The following VAT1L variants were observed in gnomAD, a reference collection of about 807,000 sequenced individuals.
VAT1L encodes the protein vesicle amine transport 1 like.
Under a neutral mutation model 44.1 loss-of-function variants are expected in VAT1L, and 34 were observed. The ratio of observed to expected loss-of-function variants is 0.77; its 90% confidence interval spans 0.59 to 1.03. The LOEUF (loss-of-function observed/expected upper bound fraction) is 1.03, where lower values mean the gene tolerates loss of function less well. Ranked by LOEUF, VAT1L falls within the 50% of genes least tolerant of loss-of-function variation. The pLI is 0.00. For missense variants in VAT1L, 615 were observed against 538.8 expected, an observed-to-expected ratio of 1.14 and a Z score of -1.40; for synonymous variants, 253 against 202.2, an observed-to-expected ratio of 1.25 and a Z score of -2.13.
At chr16:77,943,493 G>A (rs900980195) in intron 7 of VAT1L, among the ~76,000 whole-genome samples, 12 of 147,748 alleles carry the variant, frequency 8.1e-5, no homozygotes, top group African/African-American at 1.5e-4. Context: ...TCCACCTCCC[G>A]GGTTCACGCC....
In VAT1L at chr16:77,816,968, A is replaced by C. The variant is rs746914447; in HGVS notation, c.281A>C (p.Asn94Thr). The part of the protein sequence containing the change: ...DLMVRQGNID[N>T]PPKTPLVPGF... ...ATGGTGCGACAAGGGAATATTGACA[A>C]CCCTCCCAAGACTCCCCTGGTGCCA... The change falls in exon 2 of 9, where the codon AAC becomes ACC. Residue 94 changes from asparagine (N) to threonine (T), a missense_variant. Transcript: ENST00000302536. 1.2e-5 allele frequency: 20 copies of C among 1,613,672 alleles called. No homozygotes were observed. Among genetic ancestry groups the C allele is most frequent in the South Asian group, 4.4e-5 (4 of 91,050 alleles).
chr16:77,827,361 A>G (rs1298124665), intron 3 of VAT1L, among the ~76,000 whole-genome samples: 2 of 152,224 alleles, frequency 1.3e-5, no homozygotes, highest in East Asian at 1.9e-4. Context: ...ATTTACACCT[A>G]TGATATTTCA....
At chr16:77,869,805 C>G (rs978970992) in intron 4 of VAT1L, among the ~76,000 whole-genome samples, 1 of 152,162 alleles carries the variant, frequency 6.6e-6, no homozygotes, top group African/African-American at 2.4e-5. Flanking sequence ...GAATCAAACT[C>G]CCGATCGAGG....
intron 4 of VAT1L, among the ~76,000 whole-genome samples, chr16:77,871,431 C>T (rs146005596): frequency 6.6e-6 from 1 of 152,086 alleles, no homozygotes; most frequent in African/African-American, 2.4e-5. Flanking sequence ...CAAGAAAGCA[C>T]CCCCCAGCTT....
intron 3 of VAT1L, among the ~76,000 whole-genome samples, chr16:77,850,100 T>C (rs1186152937): frequency 1.3e-5 from 2 of 152,182 alleles, no homozygotes; most frequent in South Asian, 2.1e-4. Context: ...GTGAACACGA[T>C]AGTCCCAAGT....
At position 77,908,513 on chromosome 16, in the gene VAT1L, T is replaced by G. The variant is rs138077006; in HGVS notation, c.1077+23711T>G. Among the ~76,000 whole-genome samples the G allele has an allele frequency of 7.9e-3, 1,155 of 146,544 alleles. 19 individuals carry two copies. The highest frequency in any genetic ancestry group is 0.028 in the African/African-American group (1,106 of 39,624). On this transcript the variant is annotated intron_variant, in intron 7 of 8. Coordinates refer to ENST00000302536, the MANE Select transcript of VAT1L (RefSeq NM_020927.3). ...AAGCCATCACAAGCCTCTTCATGATTACAGATAATAGGCCCTGTTGGAGTT... is the reference window on the plus strand; with the variant it reads ...AAGCCATCACAAGCCTCTTCATGATGACAGATAATAGGCCCTGTTGGAGTT...
chr16:77,848,809 G>T (rs1421579491), intron 3 of VAT1L, among the ~76,000 whole-genome samples: 1 of 152,046 alleles, frequency 6.6e-6, no homozygotes, highest in Non-Finnish European at 1.5e-5. Context: ...ATCAATAATA[G>T]ACTGGATAAA....
At chr16:77,888,883 GGAGA>G (rs567043128) in intron 7 of VAT1L, among the ~76,000 whole-genome samples, 30 of 152,346 alleles carry the variant, frequency 2.0e-4, no homozygotes, top group South Asian at 8.3e-4. Context: ...TCCATAGAAA[GGAGA>G]GAGACAGCTG....
chr16:77,864,430 C>G (rs2016948692), intron 4 of VAT1L, among the ~76,000 whole-genome samples: 1 of 150,596 alleles, frequency 6.6e-6, no homozygotes, highest in Non-Finnish European at 1.5e-5. Flanking sequence ...CGATCTCTAC[C>G]TGTGCCCCCC....
chr16:77,827,364 A>G (rs1363025398), intron 3 of VAT1L, among the ~76,000 whole-genome samples: 6 of 152,340 alleles, frequency 3.9e-5, no homozygotes, highest in East Asian at 1.9e-4. Context: ...TACACCTATG[A>G]TATTTCATTT....
chr16:77,817,275 TC>T (rs2016373167), intron 2 of VAT1L, among the ~76,000 whole-genome samples: 1 of 152,178 alleles, frequency 6.6e-6, no homozygotes. Context: ...GCAGGACAAA[TC>T]TTGTCTCCCC....
At chr16:77,959,844 T>C (rs925416530) in intron 7 of VAT1L, among the ~76,000 whole-genome samples, 9 of 152,184 alleles carry the variant, frequency 5.9e-5, no homozygotes, top group Admixed American at 5.9e-4. Context: ...TCATGGAAAC[T>C]CTTTGGAATG....
At chr16:77,945,298 A>ATTTTTTTTT (rs1227597683) in intron 7 of VAT1L, among the ~76,000 whole-genome samples, 4 of 3,004 alleles carry the variant, frequency 1.3e-3, no homozygotes, top group Non-Finnish European at 2.1e-3. Flanking sequence ...TTTTTTTGAG[A>ATTTTTTTTT]GAGAGAAAGA....
intron 7 of VAT1L, among the ~76,000 whole-genome samples, chr16:77,965,812 C>T (rs1430010009): frequency 1.3e-5 from 2 of 152,202 alleles, no homozygotes; most frequent in Admixed American, 6.5e-5. Context: ...ACTGTCTCCA[C>T]ATATCCACTT....
intron 7 of VAT1L, among the ~76,000 whole-genome samples, chr16:77,930,750 A>G (rs2017722541): frequency 6.6e-6 from 1 of 152,138 alleles, no homozygotes; most frequent in South Asian, 2.1e-4. Context: ...CTGCTCCAAC[A>G]TGCAGAGTTG....
intron 4 of VAT1L, among the ~76,000 whole-genome samples, chr16:77,872,244 G>C (rs1039511347): frequency 6.6e-6 from 1 of 152,012 alleles, no homozygotes; most frequent in Non-Finnish European, 1.5e-5. Flanking sequence ...TCTCCCCTGC[G>C]TACCCACCTC....
At chr16:77,793,922 C>CT (rs2015881761) in intron 1 of VAT1L, among the ~76,000 whole-genome samples, 1 of 152,208 alleles carries the variant, frequency 6.6e-6, no homozygotes, top group Admixed American at 6.5e-5. Flanking sequence ...CTGCAATACA[C>CT]TCTTTGTTTC....
intron 7 of VAT1L, among the ~76,000 whole-genome samples, chr16:77,929,284 T>C (rs1381986740): frequency 6.6e-6 from 1 of 152,162 alleles, no homozygotes; most frequent in Non-Finnish European, 1.5e-5. Context: ...CGGGATACTC[T>C]CTTCCAGGCA....
At chr16:77,828,047 T>C (rs560132602) in intron 3 of VAT1L, among the ~76,000 whole-genome samples, 2 of 152,318 alleles carry the variant, frequency 1.3e-5, no homozygotes, top group South Asian at 4.1e-4. Context: ...TAGCGTTCTC[T>C]GAAACGAGAT....
Sources: allele counts gnomAD v4.1 joint callset (sites outside exome capture counted in the v4.1 genomes callset), GRCh38; gene constraint gnomAD v4.1.1; transcripts MANE v1.5; gene names NCBI Gene and HGNC (gene_info 2026-07-23, HGNC 2026-07-21).